Variants in CDH12 observed in about 807,000 individuals in gnomAD.
The protein encoded by CDH12 is cadherin-12.
Under a neutral mutation model 74.1 loss-of-function variants are expected in CDH12, and 41 were observed. That is an observed-to-expected ratio of 0.55 (90% CI 0.43 to 0.72). CDH12 has a LOEUF of 0.72. CDH12 is among the 30% of genes least tolerant of loss of function. CDH12 has a pLI of 0.00. For synonymous variants in CDH12, 399 were observed against 355.0 expected, an observed-to-expected ratio of 1.12 and a Z score of -1.39; for missense variants, 945 against 977.2, an observed-to-expected ratio of 0.97 and a Z score of 0.44.
At chr5:22,674,431 G>C (rs1741062404) in intron 1 of CDH12, among the ~76,000 whole-genome samples, 1 of 152,186 alleles carries the variant, frequency 6.6e-6, no homozygotes, top group African/African-American at 2.4e-5. Flanking sequence ...GGAACGGTAA[G>C]TCCATTAAAC....
At chr5:22,801,638 T>TATAG (rs1411033949) in intron 1 of CDH12, among the ~76,000 whole-genome samples, 2 of 2,942 alleles carry the variant, frequency 6.8e-4, no homozygotes, top group Admixed American at 2.8e-3. Flanking sequence ...CTGCTTATCA[T>TATAG]ATATATATAT....
rs762858579 is a variant in CDH12 at position 22,041,617 on chromosome 5, T to C, written c.231+36829A>G. Among the ~76,000 whole-genome samples the C allele has an allele frequency of 4.6e-5, 7 of 152,250 alleles. No individual in the cohort carries two copies. In the Middle Eastern group the frequency reaches 0.014, roughly 296 times the overall value. On this transcript the variant is annotated intron_variant, in intron 5 of 14. Coordinates refer to ENST00000382254, the MANE Select transcript of CDH12 (RefSeq NM_004061.5). ...AATGGCACAACTTACCAAGAAGATG[T>C]AACAATTATATATGCACCTAACATC...
intron 2 of CDH12, among the ~76,000 whole-genome samples, chr5:22,460,075 A>T (rs2126582346): frequency 6.6e-6 from 1 of 152,372 alleles, no homozygotes; most frequent in African/African-American, 2.4e-5. Context: ...ATGAAAAATT[A>T]GAGAAAGCAA....
chr5:21,950,616 T>C (rs1755807955), intron 6 of CDH12, among the ~76,000 whole-genome samples: 1 of 151,432 alleles, frequency 6.6e-6, no homozygotes, highest in Non-Finnish European at 1.5e-5. Flanking sequence ...ACCCCATAAA[T>C]AAATAATTTT....
At chr5:22,780,635 C>G (rs1365345666) in intron 1 of CDH12, among the ~76,000 whole-genome samples, 1 of 152,068 alleles carries the variant, frequency 6.6e-6, no homozygotes, top group African/African-American at 2.4e-5. Flanking sequence ...AATTACCTCC[C>G]ACCAGGTCCC....
chr5:22,370,510 G>A (rs1009830788), intron 3 of CDH12, among the ~76,000 whole-genome samples: 2 of 152,110 alleles, frequency 1.3e-5, no homozygotes, highest in Non-Finnish European at 2.9e-5. Context: ...TAACACATAG[G>A]TGCCTTTTAG....
intron 3 of CDH12, among the ~76,000 whole-genome samples, chr5:22,399,979 G>T (rs1742646009): frequency 6.6e-6 from 1 of 152,146 alleles, no homozygotes; most frequent in Admixed American, 6.6e-5. Flanking sequence ...GGCCTGACCA[G>T]AGAACAATGA....
chr5:21,867,137 C>G (rs920883173), intron 6 of CDH12, among the ~76,000 whole-genome samples: 3 of 152,068 alleles, frequency 2.0e-5, no homozygotes, highest in African/African-American at 7.2e-5. Flanking sequence ...GGTGGATCAC[C>G]TGATTTCAGG....
intron 6 of CDH12, among the ~76,000 whole-genome samples, chr5:21,909,823 C>T (rs1753790208): frequency 6.6e-6 from 1 of 152,104 alleles, no homozygotes; most frequent in South Asian, 2.1e-4. Flanking sequence ...TGGCTTTGTC[C>T]TGATATTTTT....
chr5:22,528,387 C>T (rs1362658453), intron 1 of CDH12, among the ~76,000 whole-genome samples: 1 of 152,088 alleles, frequency 6.6e-6, no homozygotes, highest in Non-Finnish European at 1.5e-5. Context: ...CCACATATTG[C>T]CATTCCAACT....
intron 1 of CDH12, among the ~76,000 whole-genome samples, chr5:22,823,467 CCAT>C (rs1241427048): frequency 6.6e-6 from 1 of 152,078 alleles, no homozygotes; most frequent in East Asian, 1.9e-4. Context: ...ACTTGCTCCT[CCAT>C]CATGATTGTG....
intron 1 of CDH12, among the ~76,000 whole-genome samples, chr5:22,709,926 T>A (rs1363309979): frequency 6.6e-6 from 1 of 152,210 alleles, no homozygotes; most frequent in African/African-American, 2.4e-5. Flanking sequence ...GGTGTGATTA[T>A]GTGTAGGTTT....
chr5:22,100,270 T>G (rs1324597113), intron 4 of CDH12, among the ~76,000 whole-genome samples: 1 of 152,248 alleles, frequency 6.6e-6, no homozygotes, highest in South Asian at 2.1e-4. Flanking sequence ...AATTAAACAC[T>G]AGAGAAGTTT....
At chr5:22,698,733 ATAGT>A (rs1561586129) in intron 1 of CDH12, among the ~76,000 whole-genome samples, 2 of 6,730 alleles carry the variant, frequency 3.0e-4, no homozygotes, top group Non-Finnish European at 2.6e-4. Flanking sequence ...ATATATATAT[ATAGT>A]GTGTGTGTGT....
chr5:21,917,592 T>A (rs1423542809), intron 6 of CDH12, among the ~76,000 whole-genome samples: 1 of 152,192 alleles, frequency 6.6e-6, no homozygotes, highest in East Asian at 1.9e-4. Context: ...GTCTAGTGTA[T>A]CTTTATTTTC....
At chr5:22,240,647 C>G (rs1752715457) in intron 3 of CDH12, among the ~76,000 whole-genome samples, 1 of 152,148 alleles carries the variant, frequency 6.6e-6, no homozygotes, top group Non-Finnish European at 1.5e-5. Context: ...GATTCTCCAG[C>G]CTCAGCTTCC....
intron 1 of CDH12, among the ~76,000 whole-genome samples, chr5:22,719,963 T>C (rs139993144): frequency 1.3e-3 from 195 of 152,082 alleles, no homozygotes; most frequent in African/African-American, 4.6e-3. Context: ...TTGAAGACAC[T>C]TGGGGCCATG....
intron 3 of CDH12, among the ~76,000 whole-genome samples, chr5:22,283,205 GATATATATATAGATATATAT>G (rs1356831242): frequency 0.013 from 1,440 of 107,936 alleles, 28 homozygotes; most frequent in African/African-American, 0.048. Context: ...ACATCTGTGA[GATATATATATAGATATATAT>G]ATATATATAT....
intron 1 of CDH12, among the ~76,000 whole-genome samples, chr5:22,557,062 G>A (rs946422667): frequency 3.9e-5 from 6 of 151,948 alleles, no homozygotes; most frequent in African/African-American, 1.4e-4. Flanking sequence ...TTTTGTTCCA[G>A]GCTAGTTAAG....
Sources: allele counts gnomAD v4.1 joint callset (sites outside exome capture counted in the v4.1 genomes callset), GRCh38; gene constraint gnomAD v4.1.1; transcripts MANE v1.5; gene names NCBI Gene and HGNC (gene_info 2026-07-23, HGNC 2026-07-21).